NEK11: variants seen among roughly 807,000 people sequenced by gnomAD.
The protein encoded by NEK11 is NIMA related kinase 11.
NEK11 carries 72 observed loss-of-function variants against 80.7 expected under a neutral mutation model. The observed-to-expected ratio is 0.89, with a 90% CI of 0.74 to 1.08. The LOEUF is 1.08. Among genes scored for constraint, NEK11 ranks in the 50% least tolerant of loss-of-function variants. NEK11 has a pLI of 0.00. For missense variants in NEK11, 764 were observed against 763.6 expected, an observed-to-expected ratio of 1.00 and a Z score of -0.01; for synonymous variants, 251 against 260.7, an observed-to-expected ratio of 0.96 and a Z score of 0.36.
chr3:131,316,697 A>G (rs1451849821), intron 17 of NEK11, among the ~76,000 whole-genome samples: 3 of 151,974 alleles, frequency 2.0e-5, no homozygotes, highest in African/African-American at 7.3e-5. Flanking sequence ...CTGTCCTTAG[A>G]TGGAAACTGA....
chr3:131,154,862 C>G, intron 9 of NEK11, 174 bp from the exon 10 acceptor site: 1 of 547,254 alleles, frequency 1.8e-6, no homozygotes, highest in Non-Finnish European at 3.3e-6. Flanking sequence ...GCAAGATCTT[C>G]TTGGAAAAGC....
intron 2 of NEK11, among the ~76,000 whole-genome samples, chr3:131,029,248 A>G (rs545558033): frequency 2.6e-4 from 40 of 152,368 alleles, no homozygotes; most frequent in African/African-American, 9.6e-4. Context: ...GTTGATGCAG[A>G]TGTATAGATT....
At chr3:131,121,338 T>C (rs1444400307) in intron 5 of NEK11, among the ~76,000 whole-genome samples, 1 of 152,220 alleles carries the variant, frequency 6.6e-6, no homozygotes, top group Non-Finnish European at 1.5e-5. Flanking sequence ...GCCTGATCCT[T>C]CCTCTGGAAG....
At chr3:131,323,406 C>A (rs151026365) in intron 17 of NEK11, among the ~76,000 whole-genome samples, 1 of 152,102 alleles carries the variant, frequency 6.6e-6, no homozygotes, top group East Asian at 1.9e-4. Flanking sequence ...AATGAGGTAT[C>A]GATTCCCCAA....
chr3:131,297,778 A>C (rs2096612621), intron 17 of NEK11, among the ~76,000 whole-genome samples: 1 of 152,252 alleles, frequency 6.6e-6, no homozygotes, highest in Non-Finnish European at 1.5e-5. Context: ...GTTTTCTTCT[A>C]AGGTTTTTAT....
chr3:131,072,567 C>T (rs2073585512), intron 3 of NEK11, among the ~76,000 whole-genome samples: 2 of 152,092 alleles, frequency 1.3e-5, no homozygotes. Context: ...AATAGAATTG[C>T]TTGACCATTT....
At chr3:131,027,063 A>G (rs1005859628) in intron 1 of NEK11, 57 bp downstream of exon 1, 12 of 152,154 alleles carry the variant, frequency 7.9e-5, no homozygotes, top group Admixed American at 2.0e-4. Context: ...GGGGAAGGTA[A>G]TGGTTTCAAG....
At chr3:131,280,681 T>C (rs546176313) in intron 17 of NEK11, among the ~76,000 whole-genome samples, 1 of 152,360 alleles carries the variant, frequency 6.6e-6, no homozygotes, top group South Asian at 2.1e-4. Context: ...AGAGTACAGT[T>C]ATACTAATTA....
chr3:131,059,887 G>C (rs1255009604), intron 3 of NEK11, among the ~76,000 whole-genome samples: 3 of 152,180 alleles, frequency 2.0e-5, no homozygotes, highest in Non-Finnish European at 4.4e-5. Flanking sequence ...TTTAGCAAGA[G>C]TCAGTTATAA....
rs143636479 is a variant in NEK11 at position 131,183,003 on chromosome 3, G to A, written c.1399+12116G>A. Among the ~76,000 whole-genome samples the A allele has an allele frequency of 3.4e-3, 517 of 152,282 alleles. 2 individuals carry two copies. The highest frequency in any genetic ancestry group is 0.011 in the African/African-American group (475 of 41,558). On this transcript the variant is annotated intron_variant, in intron 14 of 17. Transcript: ENST00000383366. The stretch of plus-strand genomic sequence containing the variant: ...AATTTGCATAAGCAGTTGCTTATGA[G>A]CATATGGTGTCTAGTCAAATAAATT...
At chr3:131,138,007 C>T (rs2085967366) in intron 7 of NEK11, among the ~76,000 whole-genome samples, 1 of 152,114 alleles carries the variant, frequency 6.6e-6, no homozygotes, top group Non-Finnish European at 1.5e-5. Flanking sequence ...TTGAGGAAGA[C>T]CAAGTTTTAC....
chr3:131,265,967 A>G (rs1257404890), intron 16 of NEK11, among the ~76,000 whole-genome samples: 1 of 152,116 alleles, frequency 6.6e-6, no homozygotes, highest in African/African-American at 2.4e-5. Context: ...CCAGGAATTT[A>G]TCCATTTCTT....
At chr3:131,042,211 G>GTT (rs34083203) in intron 3 of NEK11, among the ~76,000 whole-genome samples, 101 of 149,492 alleles carry the variant, frequency 6.8e-4, no homozygotes, top group Admixed American at 1.6e-3. Context: ...TTTGTTTTTT[G>GTT]TTTTTTTTTT....
At chr3:131,310,559 CTTCT>C (rs144448201) in intron 17 of NEK11, among the ~76,000 whole-genome samples, 18,855 of 152,124 alleles carry the variant, frequency 0.12, 1,547 homozygotes, top group East Asian at 0.3. Flanking sequence ...CTCAATTTTT[CTTCT>C]TTGTTTCTTA....
intron 14 of NEK11, among the ~76,000 whole-genome samples, chr3:131,217,513 G>T (rs1056901285): frequency 5.0e-4 from 76 of 152,118 alleles, no homozygotes; most frequent in African/African-American, 1.7e-3. Flanking sequence ...ACGGGGATGC[G>T]TTCAAAGAAA....
At chr3:131,080,402 T>A (rs995194504) in intron 3 of NEK11, 21 bp from the exon 4 acceptor site, 19 of 1,572,988 alleles carry the variant, frequency 1.2e-5, no homozygotes, top group South Asian at 2.3e-5. Flanking sequence ...TAAATGTTTT[T>A]AAAATTTTTT....
intron 14 of NEK11, among the ~76,000 whole-genome samples, chr3:131,208,203 C>A (rs2094501626): frequency 6.6e-6 from 1 of 152,308 alleles, no homozygotes; most frequent in Non-Finnish European, 1.5e-5. Flanking sequence ...GTTTTCCCAG[C>A]ACCATTTATT....
intron 16 of NEK11, among the ~76,000 whole-genome samples, chr3:131,249,647 AC>A (rs961814046): frequency 6.6e-6 from 1 of 152,142 alleles, no homozygotes; most frequent in Non-Finnish European, 1.5e-5. Context: ...GGCTTCTGAA[AC>A]ACTGGAAGAA....
rs112596510 is a variant in NEK11 at position 131,218,523 on chromosome 3, GTATC to G, written c.1400-10003_1400-10000del. On this transcript the variant is annotated intron_variant, in intron 14 of 17. Coordinates refer to ENST00000383366, the MANE Select transcript of NEK11 (RefSeq NM_024800.5). ...CAAGAACAATTCTGTGGAGAATAGA[GTATC>G]TGTGTGCTGTCAGCAACTGTTATAG... Among the ~76,000 whole-genome samples the G allele has an allele frequency of 1.2e-3, 184 of 152,340 alleles. 1 individual carries two copies. The highest frequency in any genetic ancestry group is 4.3e-3 in the African/African-American group (177 of 41,582).
Sources: allele counts gnomAD v4.1 joint callset (sites outside exome capture counted in the v4.1 genomes callset), GRCh38; gene constraint gnomAD v4.1.1; transcripts MANE v1.5; gene names NCBI Gene and HGNC (gene_info 2026-07-23, HGNC 2026-07-21).